Variants in DYM observed in about 807,000 individuals in gnomAD.
The protein encoded by DYM is dyggve-Melchior-Clausen syndrome protein.
Under a neutral mutation model 93.1 loss-of-function variants are expected in DYM, and 78 were observed. The ratio of observed to expected loss-of-function variants is 0.84; its 90% CI spans 0.70 to 1.01. The LOEUF is 1.01. DYM is among the 50% of genes least tolerant of loss of function. The probability of loss-of-function intolerance (pLI) is 0.00; values close to 1 mark genes in which losing one functional copy is unlikely to be tolerated. For synonymous variants in DYM, 321 were observed against 319.7 expected (o/e 1.00, Z -0.04); for missense variants, 789 against 845.0 (o/e 0.93, Z 0.82).
At chr18:49,320,427 T>C (rs529004633) in intron 8 of DYM, among the ~76,000 whole-genome samples, 27 of 152,340 alleles carry the variant, frequency 1.8e-4, no homozygotes, top group Admixed American at 6.5e-4. Context: ...ATTTTATTAA[T>C]GTATGTCAAA....
intron 13 of DYM, among the ~76,000 whole-genome samples, chr18:49,239,256 A>G (rs1435831015): frequency 6.6e-6 from 1 of 152,238 alleles, no homozygotes; most frequent in Non-Finnish European, 1.5e-5. Flanking sequence ...AAATGCAAAG[A>G]ATAGCATTTG....
chr18:49,358,850 AACAG>A (rs2065784494), intron 6 of DYM, among the ~76,000 whole-genome samples: 1 of 151,674 alleles, frequency 6.6e-6, no homozygotes, highest in Non-Finnish European at 1.5e-5. Flanking sequence ...CAGCAACAAA[AACAG>A]ATACAAAGAC....
chr18:49,375,026 A>G (rs76923024), intron 5 of DYM, among the ~76,000 whole-genome samples: 1,527 of 152,206 alleles, frequency 0.01, 42 homozygotes, highest in South Asian at 0.076. Context: ...GAATTACTTC[A>G]GAGTAGAAAG....
chr18:49,193,026 A>G (rs1295829054), intron 14 of DYM, among the ~76,000 whole-genome samples: 1 of 152,204 alleles, frequency 6.6e-6, no homozygotes, highest in Non-Finnish European at 1.5e-5. Flanking sequence ...ATACATTTCA[A>G]TATCACTAAC....
chr18:49,260,692 T>A (rs1010195356), intron 11 of DYM, among the ~76,000 whole-genome samples: 8 of 152,152 alleles, frequency 5.3e-5, no homozygotes, highest in African/African-American at 1.2e-4. Context: ...AGACTAATGT[T>A]AGAGTTCCCA....
intron 12 of DYM, among the ~76,000 whole-genome samples, chr18:49,257,552 T>C (rs1040219246): frequency 1.3e-5 from 2 of 151,898 alleles, no homozygotes; most frequent in Admixed American, 6.6e-5. Flanking sequence ...TAACTGAAAA[T>C]GGGCTGGGAG....
At chr18:49,362,531 A>G (rs2066122404) in intron 6 of DYM, among the ~76,000 whole-genome samples, 1 of 152,210 alleles carries the variant, frequency 6.6e-6, no homozygotes, top group African/African-American at 2.4e-5. Flanking sequence ...ACATCAAAAC[A>G]GAATTTTCTG....
At chr18:49,112,356 C>T (rs2081499318) in intron 16 of DYM, among the ~76,000 whole-genome samples, 2 of 152,140 alleles carry the variant, frequency 1.3e-5, no homozygotes, top group Non-Finnish European at 2.9e-5. Flanking sequence ...TGCTACTCCA[C>T]ACTCAACCTT....
chr18:49,420,325 G>A (rs539185362), intron 2 of DYM, among the ~76,000 whole-genome samples: 3 of 151,886 alleles, frequency 2.0e-5, no homozygotes, highest in Admixed American at 6.6e-5. Context: ...CCGCCACCAC[G>A]CCTGGCTAAT....
chr18:49,405,086 T>A (rs1884758114), intron 2 of DYM, among the ~76,000 whole-genome samples: 1 of 151,906 alleles, frequency 6.6e-6, no homozygotes, highest in South Asian at 2.1e-4. Context: ...CATTTTTTAA[T>A]GGGGTTATTT....
chr18:49,155,817 T>C (rs1215041898), intron 15 of DYM, among the ~76,000 whole-genome samples: 1 of 152,254 alleles, frequency 6.6e-6, no homozygotes, highest in Middle Eastern at 3.2e-3. Flanking sequence ...ATTTGTCTTC[T>C]GATGGACACT....
At chr18:49,129,076 A>C (rs2083121508) in intron 15 of DYM, among the ~76,000 whole-genome samples, 1 of 152,064 alleles carries the variant, frequency 6.6e-6, no homozygotes, top group Non-Finnish European at 1.5e-5. Flanking sequence ...GATGCCAAAA[A>C]AGGCAGTAAA....
intron 2 of DYM, among the ~76,000 whole-genome samples, chr18:49,418,944 G>A (rs894759747): frequency 1.3e-5 from 2 of 152,122 alleles, no homozygotes; most frequent in Non-Finnish European, 2.9e-5. Flanking sequence ...GTGGCGGTGG[G>A]GGTGGGAAGA....
intron 16 of DYM, among the ~76,000 whole-genome samples, chr18:49,110,689 G>T (rs986428704): frequency 6.6e-6 from 1 of 151,966 alleles, no homozygotes; most frequent in Non-Finnish European, 1.5e-5. Context: ...TTAAAAAAAT[G>T]GATTTATCCT....
At chr18:49,212,538 C>T (rs1388715465) in intron 13 of DYM, among the ~76,000 whole-genome samples, 2 of 151,572 alleles carry the variant, frequency 1.3e-5, no homozygotes, top group Non-Finnish European at 2.9e-5. Context: ...CATTCTGTCA[C>T]CCAGGCTGGA....
At chr18:49,204,146 T>C (rs962597123) in intron 14 of DYM, among the ~76,000 whole-genome samples, 4 of 152,232 alleles carry the variant, frequency 2.6e-5, no homozygotes, top group Non-Finnish European at 4.4e-5. Context: ...AAGAGTTATA[T>C]GAACCCCAAA....
chr18:49,095,881 T>C (rs1348559015), intron 17 of DYM, among the ~76,000 whole-genome samples: 10 of 152,294 alleles, frequency 6.6e-5, no homozygotes, highest in Middle Eastern at 3.4e-3. Flanking sequence ...CCAGACTCCA[T>C]TGCAGTGTCC....
chr18:49,429,455 C>T (rs1273884289), intron 2 of DYM, among the ~76,000 whole-genome samples: 2 of 152,148 alleles, frequency 1.3e-5, no homozygotes, highest in Non-Finnish European at 2.9e-5. Flanking sequence ...ATTCAATATT[C>T]TATTCATTCT....
intron 8 of DYM, among the ~76,000 whole-genome samples, chr18:49,323,949 C>CCAACAT (rs1219200584): frequency 6.6e-6 from 1 of 151,982 alleles, no homozygotes; most frequent in Non-Finnish European, 1.5e-5. Context: ...ACCAGCCTGG[C>CCAACAT]CAACATGGTG....
Sources: gnomAD v4.1 joint callset for allele counts (sites outside exome capture counted in the v4.1 genomes callset) on GRCh38, gnomAD v4.1.1 for gene constraint, MANE v1.5 for transcripts, NCBI Gene and HGNC (gene_info 2026-07-23, HGNC 2026-07-21) for gene names.